Variants in ARHGAP21 observed in about 807,000 individuals in gnomAD.
ARHGAP21 encodes rho GTPase-activating protein 21.
A neutral mutation model predicts 164.6 loss-of-function variants in ARHGAP21; 38 were observed. The ratio of observed to expected loss-of-function variants is 0.23; its 90% CI spans 0.18 to 0.30. The LOEUF (loss-of-function observed/expected upper bound fraction) is 0.30, where lower values mean the gene tolerates loss of function less well. Ranked by LOEUF, ARHGAP21 falls within the 10% of genes least tolerant of loss-of-function variation. ARHGAP21 has a pLI of 1.00. For missense variants in ARHGAP21, 1,822 were observed against 2,370.7 expected, an observed-to-expected ratio of 0.77 and a Z score of 4.81; for synonymous variants, 766 against 857.9, an observed-to-expected ratio of 0.89 and a Z score of 1.87.
At position 24,669,674 on chromosome 10, in the gene ARHGAP21, GT is replaced by G. The variant is rs1281621651; in HGVS notation, c.243+543del. Among the ~76,000 whole-genome samples, 4 of 152,318 alleles carry G rather than the reference GT, an allele frequency of 2.6e-5. No homozygotes were observed. In the East Asian group the frequency reaches 7.7e-4, roughly 29 times the overall value. On this transcript the variant is annotated intron_variant, in intron 3 of 25. Transcript: ENST00000396432. Reference sequence around the variant, plus strand: ...GTAAGGAACACAGAGCAAGTACCCAGTGTGTCAACTGCACTTATAATTATCT... The same window carrying G: ...GTAAGGAACACAGAGCAAGTACCCAGGTGTCAACTGCACTTATAATTATCT...
intron 1 of ARHGAP21, among the ~76,000 whole-genome samples, 156 bp downstream of exon 1, chr10:24,723,406 G>T (rs1846127168): frequency 6.8e-6 from 1 of 146,158 alleles, no homozygotes; most frequent in African/African-American, 2.5e-5. Context: ...CTCCGCCCCC[G>T]CCGGGCGCCC....
intron 4 of ARHGAP21, among the ~76,000 whole-genome samples, chr10:24,664,423 C>T (rs1471559751): frequency 1.3e-5 from 2 of 151,754 alleles, no homozygotes; most frequent in East Asian, 1.9e-4. Context: ...GGCGTGGTGG[C>T]GTGCGCTTTT....
At chr10:24,632,952 G>A (rs1835984451) in intron 6 of ARHGAP21, among the ~76,000 whole-genome samples, 1 of 152,142 alleles carries the variant, frequency 6.6e-6, no homozygotes, top group Non-Finnish European at 1.5e-5. Context: ...ATGCAGGCAG[G>A]CAAATGGATT....
chr10:24,650,242 A>G (rs937565552), intron 4 of ARHGAP21, among the ~76,000 whole-genome samples: 4 of 152,174 alleles, frequency 2.6e-5, no homozygotes, highest in African/African-American at 4.8e-5. Context: ...GCAGTGGCTC[A>G]TGCCTATAAT....
In ARHGAP21 at chr10:24,597,482, G is replaced by A. The variant is rs377141343; in HGVS notation, c.3299C>T (p.Pro1100Leu). Residue 1100 changes from proline (P) to leucine (L), a missense_variant, in exon 16 of 26, where the codon CCG (proline) becomes CTG (leucine). Transcript: ENST00000396432. ...AAGTTTCCTTTCCGACTCTTCCTTC[G>A]GAGAGTGTGGGCTTTGAGTCTTTGG... ...SEPKTQSPHS[P>L]KEESERKLLS... 22 of 1,613,870 alleles carry A rather than the reference G, an allele frequency of 1.4e-5. No individual in the cohort carries two copies. In the African/African-American group the frequency reaches 1.6e-4, roughly 12 times the overall value.
At chr10:24,667,189 G>A (rs963974249) in intron 3 of ARHGAP21, among the ~76,000 whole-genome samples, 180 bp from the exon 4 acceptor site, 15 of 152,098 alleles carry the variant, frequency 9.9e-5, no homozygotes, top group South Asian at 2.1e-4. Flanking sequence ...AAAAGCAAAC[G>A]TATAGCCCAT....
At chr10:24,594,921 T>G in intron 21 of ARHGAP21, 29 bp downstream of exon 21, 1 of 1,541,494 alleles carries the variant, frequency 6.5e-7, no homozygotes, top group African/African-American at 1.4e-5. Context: ...CCACTAAAAG[T>G]ACATTTCTTC....
chr10:24,648,587 G>A (rs545441821), intron 4 of ARHGAP21, among the ~76,000 whole-genome samples: 9 of 152,094 alleles, frequency 5.9e-5, no homozygotes, highest in African/African-American at 1.2e-4. Context: ...TCAAGACAGC[G>A]TGGCCAACAC....
At chr10:24,628,961 T>C (rs2099965169) in intron 7 of ARHGAP21, 1 of 14,116 alleles carries the variant, frequency 7.1e-5, no homozygotes, top group Admixed American at 6.7e-4. Flanking sequence ...ACTATATATA[T>C]ATATATATAT....
At chr10:24,615,386 G>A (rs1178791790) in intron 9 of ARHGAP21, among the ~76,000 whole-genome samples, 5 of 152,288 alleles carry the variant, frequency 3.3e-5, no homozygotes, top group South Asian at 2.1e-4. Flanking sequence ...TACAGCCAAC[G>A]TTGGGGTAAG....
chr10:24,657,626 A>G (rs185671471), intron 4 of ARHGAP21, among the ~76,000 whole-genome samples: 3,028 of 127,330 alleles, frequency 0.024, 127 homozygotes, highest in African/African-American at 0.084. Flanking sequence ...AAGGTGGGGA[A>G]AAGATTGAGA....
At chr10:24,628,862 C>T (rs1310267166) in intron 7 of ARHGAP21, among the ~76,000 whole-genome samples, 1 of 125,330 alleles carries the variant, frequency 8.0e-6, no homozygotes, top group Non-Finnish European at 1.6e-5. Context: ...TATATATACA[C>T]ATATATACAT....
At chr10:24,711,645 G>A (rs963438887) in intron 2 of ARHGAP21, among the ~76,000 whole-genome samples, 2 of 152,076 alleles carry the variant, frequency 1.3e-5, no homozygotes, top group Non-Finnish European at 1.5e-5. Flanking sequence ...ACAAAAACAC[G>A]TGGGCAATAT....
chr10:24,676,764 G>A (rs1841291641), intron 2 of ARHGAP21, among the ~76,000 whole-genome samples: 1 of 152,202 alleles, frequency 6.6e-6, no homozygotes, highest in African/African-American at 2.4e-5. Flanking sequence ...CCATTTGCTA[G>A]TTGCAGTATA....
chr10:24,684,244 G>A (rs1481416436), intron 2 of ARHGAP21, among the ~76,000 whole-genome samples: 5 of 151,942 alleles, frequency 3.3e-5, no homozygotes, highest in South Asian at 2.1e-4. Context: ...CCAAGATCGT[G>A]CCATTGCACT....
chr10:24,587,763 C>T (rs1457897589), intron 25 of ARHGAP21, among the ~76,000 whole-genome samples: 1 of 152,176 alleles, frequency 6.6e-6, no homozygotes, highest in Non-Finnish European at 1.5e-5. Flanking sequence ...TTAGATTATA[C>T]TGTCTTTCAG....
intron 2 of ARHGAP21, among the ~76,000 whole-genome samples, chr10:24,709,292 TC>T (rs1844545212): frequency 6.6e-6 from 1 of 151,896 alleles, no homozygotes; most frequent in South Asian, 2.1e-4. Context: ...CAAAGAAAGC[TC>T]AGGACTAGAT....
intron 2 of ARHGAP21, among the ~76,000 whole-genome samples, chr10:24,708,095 A>G (rs1405180534): frequency 1.3e-5 from 2 of 152,218 alleles, no homozygotes; most frequent in Non-Finnish European, 2.9e-5. Flanking sequence ...AGGTTAAACA[A>G]TGCTGCTGCT....
chr10:24,661,118 C>T (rs549355887), intron 4 of ARHGAP21, among the ~76,000 whole-genome samples: 120 of 149,718 alleles, frequency 8.0e-4, no homozygotes, highest in South Asian at 2.5e-3. Context: ...AATTATATTA[C>T]ATTAGAACAT....
Sources: gnomAD v4.1 joint callset for allele counts (sites outside exome capture counted in the v4.1 genomes callset) on GRCh38, gnomAD v4.1.1 for gene constraint, MANE v1.5 for transcripts, NCBI Gene and HGNC (gene_info 2026-07-23, HGNC 2026-07-21) for gene names.